Variants in SLC35A3 observed in about 807,000 individuals in gnomAD.
The protein encoded by SLC35A3 is UDP-N-acetylglucosamine transporter.
SLC35A3 carries 26 observed loss-of-function variants against 39.0 expected under a neutral mutation model. The ratio of observed to expected loss-of-function variants is 0.67; its 90% CI spans 0.49 to 0.92. The LOEUF is 0.92. Ranked by LOEUF, SLC35A3 falls within the 40% of genes least tolerant of loss-of-function variation. SLC35A3 has a pLI of 0.00. For synonymous variants in SLC35A3, 135 were observed against 133.1 expected (o/e 1.01, Z -0.10); for missense variants, 299 against 371.6 (o/e 0.80, Z 1.61).
intron 3 of SLC35A3, among the ~76,000 whole-genome samples, chr1:100,000,306 T>C (rs968712739): frequency 6.6e-6 from 1 of 152,194 alleles, no homozygotes; most frequent in African/African-American, 2.4e-5. Flanking sequence ...ACTGTGGTCT[T>C]GATTTGCGTT....
intron 1 of SLC35A3, among the ~76,000 whole-genome samples, chr1:99,990,639 A>G (rs1482352276): frequency 1.3e-5 from 2 of 152,194 alleles, no homozygotes; most frequent in African/African-American, 2.4e-5. Context: ...TGTTGAAAAG[A>G]CTGTCCCCTT....
At chr1:99,991,445 C>A (rs941847303) in intron 1 of SLC35A3, among the ~76,000 whole-genome samples, 1 of 151,828 alleles carries the variant, frequency 6.6e-6, no homozygotes, top group Non-Finnish European at 1.5e-5. Flanking sequence ...CGCCCAGCCA[C>A]CAGTTTTGAT....
chr1:99,985,862 T>G (rs1462964646), intron 1 of SLC35A3, among the ~76,000 whole-genome samples: 1 of 152,214 alleles, frequency 6.6e-6, no homozygotes, highest in Non-Finnish European at 1.5e-5. Flanking sequence ...CTTTATTTGA[T>G]TCTCAGCTTG....
chr1:100,022,202 G>GA (rs1184875204), intron 7 of SLC35A3, among the ~76,000 whole-genome samples, 184 bp from the exon 8 acceptor site: 5 of 152,174 alleles, frequency 3.3e-5, no homozygotes, highest in Non-Finnish European at 5.9e-5. Context: ...ACAACTCAAT[G>GA]AAATAATGCA....
chr1:100,008,653 T>C (rs1164380583), intron 4 of SLC35A3: 1 of 152,262 alleles, frequency 6.6e-6, no homozygotes, highest in African/African-American at 2.4e-5. Context: ...CTACAATGCC[T>C]TCTCCCCTTT....
intron 3 of SLC35A3, among the ~76,000 whole-genome samples, chr1:100,001,645 G>C (rs377577158): frequency 7.2e-5 from 11 of 152,080 alleles, no homozygotes; most frequent in African/African-American, 2.4e-4. Context: ...CATTTGCAAA[G>C]AGGGACAATT....
intron 1 of SLC35A3, among the ~76,000 whole-genome samples, chr1:99,982,067 C>T (rs1459442887): frequency 3.4e-5 from 5 of 148,064 alleles, no homozygotes; most frequent in African/African-American, 1.3e-4. Context: ...TGCAGTGGCA[C>T]AATCTCAGCT....
At chr1:99,984,846 C>G (rs1244972587) in intron 1 of SLC35A3, among the ~76,000 whole-genome samples, 1 of 152,126 alleles carries the variant, frequency 6.6e-6, no homozygotes, top group Non-Finnish European at 1.5e-5. Context: ...TGATATTGGG[C>G]ATTTTTTCAT....
Position 100,029,144 on chromosome 1 carries a change from C to G in SLC35A3, c.*6668C>G, listed in dbSNP as rs1409069877. On this transcript the variant is annotated 3_prime_UTR_variant, in exon 8 of 8. Coordinates refer to ENST00000533028, the MANE Select transcript of SLC35A3 (RefSeq NM_012243.3). ...TTTTTTGCCCATGTAGTTGTCCTCT[C>G]TTTCCAACATCTGCCCCTCCCTGGA... is the stretch of plus-strand genomic sequence containing the variant. 1.3e-5 allele frequency: 2 copies of G among 152,232 alleles called. No individual in the cohort carries two copies. The highest frequency in any genetic ancestry group is 6.5e-5 in the Admixed American group (1 of 15,274). 9.4% of individuals were successfully genotyped at this position (152,232 alleles called of 1,614,324 possible).
rs1190932809 is a variant in SLC35A3 at position 100,026,904 on chromosome 1, A to AT, written c.*4434dup. 5.3e-5 allele frequency: 17 copies of AT among 320,308 alleles called. No individual in the cohort carries two copies. The highest frequency in any genetic ancestry group is 5.2e-4 in the East Asian group (11 of 21,102). The allele number at this position is 320,308 out of a possible 1,614,324, so 19.8% of individuals were successfully genotyped here. ...TTTTAATTGATAAACTTCTCTTGTC[A>AT]TTTTTTGGTATCCAGCTATTACCTA... On this transcript the variant is annotated 3_prime_UTR_variant, in exon 8 of 8. Coordinates refer to ENST00000533028, the MANE Select transcript of SLC35A3 (RefSeq NM_012243.3).
At chr1:100,017,625 T>C in intron 6 of SLC35A3, 57 bp from the exon 7 acceptor site, 1 of 1,085,004 alleles carries the variant, frequency 9.2e-7, no homozygotes, top group Non-Finnish European at 1.3e-6. Flanking sequence ...ATACTGAAAG[T>C]GTTTTGAAAT....
chr1:100,008,113 G>C (rs146840619), intron 4 of SLC35A3: 1 of 151,626 alleles, frequency 6.6e-6, no homozygotes, highest in Non-Finnish European at 1.5e-5. Flanking sequence ...CACCATGCCC[G>C]GCTAATTTTT....
intron 2 of SLC35A3, among the ~76,000 whole-genome samples, chr1:99,994,786 G>A (rs1214426772): frequency 1.3e-5 from 2 of 152,102 alleles, no homozygotes; most frequent in African/African-American, 2.4e-5. Context: ...GTATCTGTTC[G>A]AGTCCCTGTT....
intron 5 of SLC35A3, among the ~76,000 whole-genome samples, chr1:100,012,617 G>A (rs1415152317): frequency 6.6e-6 from 1 of 152,096 alleles, no homozygotes; most frequent in Non-Finnish European, 1.5e-5. Flanking sequence ...TAGAGAACCA[G>A]GAACTCTATT....
At chr1:99,979,377 C>T (rs1657306808) in intron 1 of SLC35A3, among the ~76,000 whole-genome samples, 1 of 151,770 alleles carries the variant, frequency 6.6e-6, no homozygotes. Flanking sequence ...TCTCTCTCTG[C>T]TTCATCTTTA....
Position 100,027,625 on chromosome 1 carries a change from A to G in SLC35A3, c.*5149A>G, listed in dbSNP as rs1660993271. ...AAGTTTGGTATGTATTTTCTTCATAATTTGAATATAATTGCTTCCATTGTG... is the reference window on the plus strand; with the variant it reads ...AAGTTTGGTATGTATTTTCTTCATAGTTTGAATATAATTGCTTCCATTGTG... On this transcript the variant is annotated 3_prime_UTR_variant, in exon 8 of 8. Coordinates refer to ENST00000533028, the MANE Select transcript of SLC35A3 (RefSeq NM_012243.3). 1 of 153,580 alleles carries G rather than the reference A, an allele frequency of 6.5e-6. No homozygotes were observed. The highest frequency in any genetic ancestry group is 1.4e-5 in the Non-Finnish European group (1 of 68,974). The allele number at this position is 153,580 out of a possible 1,614,324, so 9.5% of individuals were successfully genotyped here.
At chr1:100,022,130 T>C (rs904198184) in intron 7 of SLC35A3, among the ~76,000 whole-genome samples, 6 of 150,400 alleles carry the variant, frequency 4.0e-5, no homozygotes, top group Non-Finnish European at 8.8e-5. Context: ...ATTTAAATTC[T>C]TTAAAACTGT....
chr1:99,999,187 T>C (rs1570597097), intron 2 of SLC35A3, 74 bp from the exon 3 acceptor site: 3 of 936,826 alleles, frequency 3.2e-6, no homozygotes, highest in Non-Finnish European at 4.5e-6. Context: ...GGTTAGAAAA[T>C]TGAGATCTTG....
At chr1:99,987,455 T>C (rs1247801607) in intron 1 of SLC35A3, among the ~76,000 whole-genome samples, 1 of 152,184 alleles carries the variant, frequency 6.6e-6, no homozygotes, top group African/African-American at 2.4e-5. Context: ...GTATATTTAA[T>C]AGTGAGTATA....
Sources: gnomAD v4.1 joint callset for allele counts (sites outside exome capture counted in the v4.1 genomes callset) on GRCh38, gnomAD v4.1.1 for gene constraint, MANE v1.5 for transcripts, NCBI Gene and HGNC (gene_info 2026-07-23, HGNC 2026-07-21) for gene names.